MAF1: variants seen among roughly 807,000 people sequenced by gnomAD.
The protein encoded by MAF1 is MAF1 negative regulator of RNA polymerase III.
In MAF1, 7 loss-of-function variants were observed where a neutral mutation model predicts 31.9. The observed-to-expected ratio is 0.22, with a 90% CI of 0.12 to 0.41. MAF1 has a LOEUF of 0.41. Ranked by LOEUF, MAF1 falls within the 10% of genes least tolerant of loss-of-function variation. MAF1 has a pLI of 1.00. For missense variants in MAF1, 221 were observed against 323.1 expected, an observed-to-expected ratio of 0.68 and a Z score of 2.42; for synonymous variants, 157 against 120.0, an observed-to-expected ratio of 1.31 and a Z score of -2.02.
chr8:144,106,112 C>T lies in MAF1; in HGVS notation c.249C>T (p.Pro83=). The T allele has an allele frequency of 1.2e-6, 2 of 1,613,706 alleles. No individual in the cohort carries two copies. Among genetic ancestry groups the T allele is most frequent in the Non-Finnish European group, 1.7e-6 (2 of 1,180,024 alleles). The part of the protein sequence containing the change: ...SKSQGGEEEG[P]LSDKCSRKTL... ...GCCAAGGCGGTGAGGAGGAGGGCCC[C>T]CTCAGTGACAAGTGCAGCCGCAAGA... is the stretch of plus-strand genomic sequence containing the variant. The change falls in exon 4 of 8, where the codon CCC becomes CCT. Residue 83 remains proline (P), a synonymous_variant. Coordinates refer to ENST00000322428, the MANE Select transcript of MAF1 (RefSeq NM_032272.5).
At position 144,107,343 on chromosome 8, in the gene MAF1, T is replaced by A. The variant is rs187722340; in HGVS notation, c.*234T>A. 1 of 614,552 alleles carries A rather than the reference T, an allele frequency of 1.6e-6. No individual in the cohort carries two copies. The highest frequency in any genetic ancestry group is 1.8e-5 in the African/African-American group (1 of 54,180). The allele number at this position is 614,552 out of a possible 1,614,324, so 38.1% of individuals were successfully genotyped here. A position where few individuals can be genotyped will look rare whatever the true frequency, so the allele number is the denominator to read the frequency against. On this transcript the variant is annotated 3_prime_UTR_variant, in exon 8 of 8. Transcript: ENST00000322428. ...CCGGACTTGTCAGCAGGGGGCCTGG[T>A]GGGAGGAGCGACTGCCCTGCCCAAA...
At position 144,105,751 on chromosome 8, in the gene MAF1, C is replaced by T. The variant is rs1587618550; in HGVS notation, c.68C>T (p.Ala23Val). 1 of 1,613,024 alleles carries T rather than the reference C, an allele frequency of 6.2e-7. No individual in the cohort carries two copies. The highest frequency in any genetic ancestry group is 1.6e-4 in the Middle Eastern group (1 of 6,062). Residue 23 changes from alanine to valine, a missense_variant, in exon 2 of 8, where the codon GCC becomes GTC. Physicochemically the swap from Ala to Val is moderately conservative, Grantham distance 64 (BLOSUM62 0). Around this residue, in one of 2 missense-constraint regions of MAF1, gnomAD observed 146 missense variants for 263.1 expected, o/e 0.56. Transcript: ENST00000322428. ...NSQLTVETGD[A>V]HIIGRIESYS... is the part of the protein sequence containing the mutation. The stretch of plus-strand genomic sequence containing the variant: ...CAGCTGACTGTGGAGACTGGAGATG[C>T]CCACATCATTGGCAGGTGAGGCAGG...
Position 144,105,731 on chromosome 8 carries a change from G to T in MAF1, c.48G>T (p.Leu16=). ...NSSFEAINSQ[L]TVETGDAHII... is the part of the protein sequence containing the mutation. The stretch of plus-strand genomic sequence containing the variant: ...GCTTTGAAGCCATCAACTCACAGCT[G>T]ACTGTGGAGACTGGAGATGCCCACA... The change falls in exon 2 of 8, where the codon CTG becomes CTT. Residue 16 remains leucine, a synonymous_variant. Transcript: ENST00000322428. 6.2e-7 allele frequency: 1 copy of T among 1,613,362 alleles called. No individual in the cohort carries two copies. The highest frequency in any genetic ancestry group is 1.3e-5 in the African/African-American group (1 of 75,028).
intron 1 of MAF1, chr8:144,105,292 C>CG: frequency 1.4e-5 from 1 of 69,590 alleles, no homozygotes; most frequent in Non-Finnish European, 3.0e-5. Flanking sequence ...CCCATGGTGG[C>CG]TGGAGCTCTT....
At chr8:144,105,181 T>C (rs1836387828) in intron 1 of MAF1, 1 of 157,772 alleles carries the variant, frequency 6.3e-6, no homozygotes, top group Admixed American at 6.1e-5. Context: ...CCAGGTGTCC[T>C]GGTTCCTAAC....
At position 144,105,624 on chromosome 8, in the gene MAF1, G is replaced by A. The variant is rs1040479396; in HGVS notation, c.-44-16G>A. ...GGGCCAGATAGATACCCATGGTCTG[G>A]TCTCTCACTCCCCAGGCAATACTAG... On this transcript the variant is annotated splice_polypyrimidine_tract_variant and intron_variant, in intron 1 of 7. Transcript: ENST00000322428. 65 of 1,484,370 alleles carry A rather than the reference G, an allele frequency of 4.4e-5. No individual in the cohort carries two copies. In the Admixed American group the frequency reaches 1.0e-3, roughly 24 times the overall value. The allele number at this position is 1,484,370 out of a possible 1,614,324, so 91.9% of individuals were successfully genotyped here. A position where few individuals can be genotyped will look rare whatever the true frequency, so the allele number is the denominator to read the frequency against.
chr8:144,106,665 G>T lies in MAF1; in HGVS notation c.611G>T (p.Arg204Leu). The T allele has an allele frequency of 6.2e-7, 1 of 1,613,010 alleles. No homozygotes were observed. Among genetic ancestry groups the T allele is most frequent in the Non-Finnish European group, 8.5e-7 (1 of 1,179,468 alleles). Residue 204 changes from arginine to leucine, a missense_variant, in exon 6 of 8, where the codon CGT (arginine) becomes CTT (leucine). This residue lies in a region of MAF1 where 146 missense variants were observed against 263.1 expected (regional missense o/e 0.56). Coordinates refer to ENST00000322428, the MANE Select transcript of MAF1 (RefSeq NM_032272.5). ...AAGCGAATCGTCTTCTTTAGCTGCC[G>T]TTCCATCAGGTGGGCACCCCCCGCC... is the stretch of plus-strand genomic sequence containing the variant. ...RLKRIVFFSC[R>L]SISGSTYTPS...
chr8:144,105,467 C>T (rs1282119181), intron 1 of MAF1, 173 bp from the exon 2 acceptor site: 2 of 588,144 alleles, frequency 3.4e-6, no homozygotes, highest in Non-Finnish European at 6.1e-6. Flanking sequence ...TCAGGTAAAA[C>T]AGGATCTCTG....
rs1292532532 is a variant in MAF1, at chr8:144,104,561, G to A, written c.-342G>A. On this transcript the variant is annotated 5_prime_UTR_variant, in exon 1 of 8. Coordinates refer to ENST00000322428, the MANE Select transcript of MAF1 (RefSeq NM_032272.5). ...TCGCTCGGCTCGCTGACTCGCCGGA[G>A]CGCTCTGTGGCGGTCGGCGGCAGGT... The A allele has an allele frequency of 2.0e-5, 3 of 152,172 alleles. No individual in the cohort carries two copies. Among genetic ancestry groups the A allele is most frequent in the African/African-American group, 7.2e-5 (3 of 41,450 alleles). 9.4% of individuals were successfully genotyped at this position (152,172 alleles called of 1,614,324 possible).
At position 144,105,672 on chromosome 8, in the gene MAF1, T is replaced by C; in HGVS notation, c.-12T>C. 1 of 1,612,838 alleles carries C rather than the reference T, an allele frequency of 6.2e-7. No homozygotes were observed. Among genetic ancestry groups the C allele is most frequent in the South Asian group, 1.1e-5 (1 of 91,074 alleles). ...TAGCCCCTCTGGAGCACGGAGCTCC[T>C]TCCCCAAAGACATGAAGCTATTGGA... On this transcript the variant is annotated 5_prime_UTR_variant, in exon 2 of 8. Coordinates refer to ENST00000322428, the MANE Select transcript of MAF1 (RefSeq NM_032272.5).
intron 5 of MAF1, 28 bp downstream of exon 5, chr8:144,106,492 C>G (rs369140574): frequency 1.2e-6 from 2 of 1,613,852 alleles, no homozygotes; most frequent in Middle Eastern, 1.6e-4. Context: ...CAGATGGCCT[C>G]CAGGCCTCCA....
chr8:144,105,398 C>T (rs1219999056), intron 1 of MAF1: 5 of 473,088 alleles, frequency 1.1e-5, no homozygotes, highest in South Asian at 4.8e-5. Context: ...CTAGTCTAGT[C>T]CCAGAACTCG....
At chr8:144,106,724 T>G in intron 6 of MAF1, 50 bp downstream of exon 6, 1 of 1,591,986 alleles carries the variant, frequency 6.3e-7, no homozygotes, top group Non-Finnish European at 8.6e-7. Flanking sequence ...CCGATACAAC[T>G]TCCCCAGCTG....
At chr8:144,105,377 T>G in intron 1 of MAF1, 2 of 393,928 alleles carry the variant, frequency 5.1e-6, no homozygotes, top group Non-Finnish European at 9.4e-6. Context: ...GTGAGCAGGG[T>G]CCCCGGTGGT....
chr8:144,107,025 G>A (rs1213322000), intron 7 of MAF1, 62 bp downstream of exon 7: 2 of 1,558,360 alleles, frequency 1.3e-6, no homozygotes, highest in Non-Finnish European at 1.7e-6. Context: ...CAGGGTGGGG[G>A]CCTCCTCTAC....
At position 144,104,518 on chromosome 8, in the gene MAF1, C is replaced by G. The variant is rs1297077796; in HGVS notation, c.-385C>G. The G allele has an allele frequency of 6.6e-6, 1 of 151,994 alleles. No homozygotes were observed. Among genetic ancestry groups the G allele is most frequent in the South Asian group, 2.1e-4 (1 of 4,830 alleles). 9.4% of individuals were successfully genotyped at this position (151,994 alleles called of 1,614,324 possible). ...CTTGTTGTTGTCCGGCCGGGGGAGGCGGAGGTCGCTCGCTCGCTCGCTCGG... is the reference window on the plus strand; with the variant it reads ...CTTGTTGTTGTCCGGCCGGGGGAGGGGGAGGTCGCTCGCTCGCTCGCTCGG... On this transcript the variant is annotated 5_prime_UTR_variant, in exon 1 of 8. Coordinates refer to ENST00000322428, the MANE Select transcript of MAF1 (RefSeq NM_032272.5).
In MAF1 at chr8:144,107,281, C is replaced by T. The variant is rs1196273030; in HGVS notation, c.*172C>T. On this transcript the variant is annotated 3_prime_UTR_variant, in exon 8 of 8. Coordinates refer to ENST00000322428, the MANE Select transcript of MAF1 (RefSeq NM_032272.5). ...CCCTTTGGCTCCATCCTGTGGATGC[C>T]CACTCACCCCTCAGACTCCTGCTGC... 2.5e-6 allele frequency: 2 copies of T among 808,838 alleles called. No homozygotes were observed. Among genetic ancestry groups the T allele is most frequent in the Non-Finnish European group, 4.0e-6 (2 of 497,728 alleles). 50.1% of individuals were successfully genotyped at this position (808,838 alleles called of 1,614,324 possible). A position where few individuals can be genotyped will look rare whatever the true frequency, so the allele number is the denominator to read the frequency against.
At chr8:144,105,370 A>G (rs2130012362) in intron 1 of MAF1, 1 of 378,268 alleles carries the variant, frequency 2.6e-6, no homozygotes, top group East Asian at 5.1e-5. Flanking sequence ...CCCCAGGGTG[A>G]GCAGGGTCCC....
At chr8:144,105,487 C>T (rs1017408650) in intron 1 of MAF1, 153 bp from the exon 2 acceptor site, 13 of 600,352 alleles carry the variant, frequency 2.2e-5, no homozygotes, top group South Asian at 2.0e-4. Context: ...GTCACCTCTC[C>T]TGGCCGGGCA....
Sources: allele counts gnomAD v4.1 joint callset, GRCh38; gene constraint gnomAD v4.1.1; regional missense constraint gnomAD v4.1.1; transcripts MANE v1.5; gene names NCBI Gene and HGNC (gene_info 2026-07-23, HGNC 2026-07-21).